LUZP1: variants seen among roughly 807,000 people sequenced by gnomAD.
LUZP1 encodes the protein filamin mechanobinding actin cross-linking protein.
A neutral mutation model predicts 71.3 loss-of-function variants in LUZP1; 25 were observed. The ratio of observed to expected loss-of-function variants is 0.35; its 90% confidence interval spans 0.26 to 0.49. The LOEUF (loss-of-function observed/expected upper bound fraction) is 0.49. Among genes scored for constraint, LUZP1 ranks in the 20% least tolerant of loss-of-function variants. The pLI, the probability that LUZP1 is intolerant of heterozygous loss-of-function variation, is 0.99. For missense variants in LUZP1, 1,142 were observed against 1,300.8 expected (o/e 0.88, Z 1.88); for synonymous variants, 481 against 506.4 (o/e 0.95, Z 0.67).
Position 23,170,465 on chromosome 1 carries a change from T to TC in LUZP1, c.-484-1442_-484-1441insG, listed in dbSNP as rs1354717568. ...CATTCTTATTTTCTTTTTCTTTCTT[T>TC]TTTTTTTTTTTTTTTTTTGAGACGA... On this transcript the variant is annotated intron_variant, in intron 1 of 4. Transcript: ENST00000302291. Among the ~76,000 whole-genome samples the TC allele has an allele frequency of 6.9e-5, 7 of 101,750 alleles. No homozygotes were observed. The East Asian group carries it at 2.6e-3, about 38-fold the overall frequency. 66.8% of individuals were successfully genotyped at this position (101,750 alleles called of 152,430 possible).
intron 2 of LUZP1, among the ~76,000 whole-genome samples, chr1:23,115,356 G>T (rs1310716580): frequency 6.6e-6 from 1 of 152,174 alleles, no homozygotes; most frequent in Non-Finnish European, 1.5e-5. Context: ...CCATCTCTAT[G>T]TGTCAGGTTA....
intron 2 of LUZP1, among the ~76,000 whole-genome samples, chr1:23,161,628 G>C (rs75507470): frequency 6.6e-6 from 1 of 152,222 alleles, no homozygotes; most frequent in East Asian, 1.9e-4. Flanking sequence ...AGAAGTTAGC[G>C]TAACAGAGGC....
chr1:23,134,353 A>G (rs1214443971), intron 2 of LUZP1, among the ~76,000 whole-genome samples: 3 of 151,512 alleles, frequency 2.0e-5, no homozygotes, highest in Non-Finnish European at 4.4e-5. Flanking sequence ...GTGGTGGTGC[A>G]CGTCTGCAGA....
chr1:23,107,912 T>G (rs758315915), intron 3 of LUZP1, among the ~76,000 whole-genome samples: 6 of 152,178 alleles, frequency 3.9e-5, no homozygotes, highest in Non-Finnish European at 7.3e-5. Flanking sequence ...CTCAGAGGGG[T>G]TGACATGAGA....
intron 2 of LUZP1, chr1:23,164,194 G>C (rs1310628832): frequency 6.6e-6 from 1 of 152,130 alleles, no homozygotes; most frequent in East Asian, 1.9e-4. Flanking sequence ...GGTGAGAGAA[G>C]GGCTTATAAA....
At chr1:23,091,772 C>T (rs1156317482) in exon 4 of LUZP1, 3 of 1,614,060 alleles carry the variant, frequency 1.9e-6, no homozygotes, top group Non-Finnish European at 2.5e-6. Flanking sequence ...CTGATGTGAG[C>T]TCTGCCAGCC....
chr1:23,170,467 T>TC (rs1470585426), intron 1 of LUZP1, among the ~76,000 whole-genome samples: 1 of 102,142 alleles, frequency 9.8e-6, no homozygotes, highest in African/African-American at 3.8e-5. Context: ...TCTTTCTTTT[T>TC]TTTTTTTTTT....
intron 2 of LUZP1, among the ~76,000 whole-genome samples, chr1:23,165,284 CAT>C (rs1349612230): frequency 5.3e-5 from 8 of 151,578 alleles, no homozygotes; most frequent in Non-Finnish European, 8.8e-5. Context: ...CAACTGTATA[CAT>C]GTGTCAAAAT....
At position 23,093,183 on chromosome 1, in the gene LUZP1, C is replaced by T. The variant is rs758385409; in HGVS notation, c.1079G>A (p.Gly360Glu). 1.3e-5 allele frequency: 21 copies of T among 1,614,032 alleles called. No homozygotes were observed. In the Middle Eastern group the frequency reaches 4.9e-4, roughly 38 times the overall value. ...TTTGCTGGACAGGAAAGCATCTTCC[C>T]CTTCTACCTCTCCATTTTCTAACTC... Residue 360 changes from glycine (G) to glutamate (E), a missense_variant, in exon 4 of 5, where the codon GGG becomes GAG. Transcript: ENST00000302291. The surrounding 1 kb of genome is among the most constrained non-coding windows in gnomAD (Gnocchi z 4.2).
At chr1:23,091,247 A>T in exon 4 of LUZP1, 1 of 1,613,834 alleles carries the variant, frequency 6.2e-7, no homozygotes. Context: ...CCCGATTCCG[A>T]CGGGTAAGCA....
chr1:23,091,752 T>C (rs1569856992), exon 4 of LUZP1: 2 of 1,614,056 alleles, frequency 1.2e-6, no homozygotes, highest in Non-Finnish European at 8.5e-7. Context: ...GGAGCTGACA[T>C]GGTTGCTAAC....
Position 23,109,014 on chromosome 1 carries a change from A to G in LUZP1, c.-120+8T>C, listed in dbSNP as rs921932680. 4 of 152,256 alleles carry G rather than the reference A, an allele frequency of 2.6e-5. No homozygotes were observed. The highest frequency in any genetic ancestry group is 7.2e-5 in the African/African-American group (3 of 41,470). 9.4% of individuals were successfully genotyped at this position (152,256 alleles called of 1,614,324 possible). On this transcript the variant is annotated splice_region_variant and intron_variant, in intron 3 of 4. Transcript: ENST00000302291. ...GTACACCCAGGTTTCACTGTACAAC[A>G]TACTTACCATGTAGGTAATTCAAGC...
chr1:23,175,319 C>A (rs371813258), intron 1 of LUZP1, among the ~76,000 whole-genome samples: 7 of 152,162 alleles, frequency 4.6e-5, no homozygotes, highest in African/African-American at 1.7e-4. Context: ...GCAGTTTTCC[C>A]ACCTCTGCAG....
intron 2 of LUZP1, 76 bp from the exon 2 acceptor site, chr1:23,109,203 T>C (rs1243615475): frequency 6.6e-6 from 1 of 152,262 alleles, no homozygotes; most frequent in Non-Finnish European, 1.5e-5. Flanking sequence ...CCCAGAGGGC[T>C]GTCCCAAAGA....
chr1:23,120,356 T>TAATA (rs1301157175), intron 2 of LUZP1, among the ~76,000 whole-genome samples: 1 of 151,386 alleles, frequency 6.6e-6, no homozygotes, highest in African/African-American at 2.4e-5. Flanking sequence ...ATATACCTCC[T>TAATA]AATAAATAAA....
intron 2 of LUZP1, among the ~76,000 whole-genome samples, chr1:23,113,184 A>G (rs1380464607): frequency 6.6e-6 from 1 of 152,006 alleles, no homozygotes; most frequent in African/African-American, 2.4e-5. Context: ...TCTGAGCCCA[A>G]AGTGTTTTTG....
At chr1:23,153,495 C>T (rs1644399123) in intron 2 of LUZP1, among the ~76,000 whole-genome samples, 1 of 152,032 alleles carries the variant, frequency 6.6e-6, no homozygotes, top group Non-Finnish European at 1.5e-5. Context: ...TCCCAGTAAA[C>T]TGTAACCTGT....
At chr1:23,173,903 T>C (rs745321514) in intron 1 of LUZP1, among the ~76,000 whole-genome samples, 2 of 152,162 alleles carry the variant, frequency 1.3e-5, no homozygotes, top group Non-Finnish European at 2.9e-5. Context: ...GAACTTTCAA[T>C]GCTAGAAGCC....
rs1173453944 is a variant in LUZP1 at position 23,094,155 on chromosome 1, T to G, written c.107A>C (p.Asn36Thr). 1.7e-5 allele frequency: 28 copies of G among 1,613,796 alleles called. No individual in the cohort carries two copies. The highest frequency in any genetic ancestry group is 2.4e-5 in the Non-Finnish European group (28 of 1,179,998). Reference sequence around the variant, plus strand: ...GAGTTCATCCTCTGCTTTCTGGAGGTTTTTTGTGGCTTCCTCCAACTCATC... The same window carrying G: ...GAGTTCATCCTCTGCTTTCTGGAGGGTTTTTGTGGCTTCCTCCAACTCATC... The change falls in exon 4 of 5, where the codon AAC (asparagine) becomes ACC (threonine). Residue 36 changes from asparagine to threonine, a missense_variant. Physicochemically the swap from Asn to Thr is moderately conservative, Grantham distance 65. Transcript: ENST00000302291. The surrounding 1 kb of genome is among the most constrained non-coding windows in gnomAD (Gnocchi z 4.7).
Sources: gnomAD v4.1 joint callset for allele counts (sites outside exome capture counted in the v4.1 genomes callset) on GRCh38, gnomAD v4.1.1 for gene constraint, Gnocchi (gnomAD v3.1) non-coding constraint, MANE v1.5 for transcripts, NCBI Gene and HGNC (gene_info 2026-07-23, HGNC 2026-07-21) for gene names.